The following PTPRN2 variants were observed in gnomAD, a reference collection of about 807,000 sequenced individuals.
PTPRN2 encodes receptor-type tyrosine-protein phosphatase N2.
In PTPRN2, 74 loss-of-function variants were observed where a neutral mutation model predicts 118.8. The ratio of observed to expected loss-of-function variants is 0.62; its 90% CI spans 0.52 to 0.76. The LOEUF (loss-of-function observed/expected upper bound fraction) is 0.76. PTPRN2 is among the 30% of genes least tolerant of loss of function. The probability of loss-of-function intolerance (pLI) is 0.00; values close to 1 mark genes in which losing one functional copy is unlikely to be tolerated. For synonymous variants in PTPRN2, 641 were observed against 608.0 expected (o/e 1.05, Z -0.80); for missense variants, 1,481 against 1,394.4 (o/e 1.06, Z -0.99).
intron 10 of PTPRN2, among the ~76,000 whole-genome samples, chr7:158,102,480 C>T (rs1484208295): frequency 4.6e-5 from 7 of 152,162 alleles, no homozygotes; most frequent in Non-Finnish European, 1.0e-4. Flanking sequence ...GCTTCTTTTC[C>T]ATGGCCCTCA....
intron 2 of PTPRN2, among the ~76,000 whole-genome samples, chr7:158,465,957 T>TG (rs1270515165): frequency 6.6e-6 from 1 of 152,212 alleles, no homozygotes; most frequent in African/African-American, 2.4e-5. Context: ...CCCAGATCCC[T>TG]GCCTCACGCC....
At position 157,845,849 on chromosome 7, in the gene PTPRN2, C is replaced by G. The variant is rs1027919517; in HGVS notation, c.1788+52824G>C. ...CGGAAGACAGAAGTGGATCCCGGCT[C>G]TCCACAAAACACAAAAATTAACCCC... On this transcript the variant is annotated intron_variant, in intron 12 of 22. Transcript: ENST00000389418. This position sits in a 1 kb window ranked among gnomAD's most constrained non-coding sequence, Gnocchi z 4.5. Among the ~76,000 whole-genome samples the G allele has an allele frequency of 2.6e-5, 4 of 152,106 alleles. No individual in the cohort carries two copies. The highest frequency in any genetic ancestry group is 5.9e-5 in the Non-Finnish European group (4 of 68,034).
rs961598110 is a variant in PTPRN2 at position 157,978,223 on chromosome 7, C to T, written c.1724-79486G>A. On this transcript the variant is annotated intron_variant, in intron 11 of 22. Transcript: ENST00000389418. Reference sequence around the variant, plus strand: ...GGCTGTGAAACTAGCTCTCAGACATCGGTGAAACTCTGCCTGATCTGCTTC... The same window carrying T: ...GGCTGTGAAACTAGCTCTCAGACATTGGTGAAACTCTGCCTGATCTGCTTC... Among the ~76,000 whole-genome samples the T allele has an allele frequency of 3.2e-4, 48 of 151,960 alleles. 1 individual carries two copies. The highest frequency in any genetic ancestry group is 2.4e-3 in the Admixed American group (36 of 15,272).
At chr7:157,715,351 G>T (rs982222390) in intron 12 of PTPRN2, among the ~76,000 whole-genome samples, 1 of 152,200 alleles carries the variant, frequency 6.6e-6, no homozygotes, top group African/African-American at 2.4e-5. Context: ...GGACACTGGG[G>T]TGCCAGTCCC....
chr7:158,046,873 T>C (rs1186504694), intron 11 of PTPRN2, among the ~76,000 whole-genome samples: 1 of 152,208 alleles, frequency 6.6e-6, no homozygotes, highest in African/African-American at 2.4e-5. Context: ...TGTGTACCGC[T>C]AGCTTTGCAC....
chr7:158,111,061 A>G (rs913667696), intron 9 of PTPRN2, 146 bp from the exon 10 acceptor site: 1 of 675,092 alleles, frequency 1.5e-6, no homozygotes, highest in Non-Finnish European at 2.5e-6. Context: ...CCTCAGGCAC[A>G]AGGAGTCACC....
chr7:158,120,929 G>A (rs2335842), intron 9 of PTPRN2, among the ~76,000 whole-genome samples: 144,925 of 152,300 alleles, frequency 0.95, 68,999 homozygotes, highest in Middle Eastern at 0.98. Context: ...GCTCCACCCC[G>A]GCTGAGACCA....
intron 5 of PTPRN2, among the ~76,000 whole-genome samples, chr7:158,178,368 A>G (rs1372774984): frequency 6.6e-6 from 1 of 151,978 alleles, no homozygotes; most frequent in African/African-American, 2.4e-5. Context: ...CCCGCTTCTG[A>G]GTCTCCAAAG....
At chr7:158,420,538 T>A (rs1013009221) in intron 2 of PTPRN2, among the ~76,000 whole-genome samples, 1 of 152,212 alleles carries the variant, frequency 6.6e-6, no homozygotes, top group Non-Finnish European at 1.5e-5. Flanking sequence ...ATGTTTTTAA[T>A]GAGAAGAGTT....
At chr7:157,721,682 G>A (rs6964623) in intron 12 of PTPRN2, among the ~76,000 whole-genome samples, 1 of 151,438 alleles carries the variant, frequency 6.6e-6, no homozygotes, top group African/African-American at 2.4e-5. Flanking sequence ...TGTGTGTCTC[G>A]ACACTGTGGC....
chr7:158,133,867 G>A lies in PTPRN2; in HGVS notation c.1366C>T (p.Leu456=), dbSNP rs1402668519. The A allele has an allele frequency of 6.2e-7, 1 of 1,613,924 alleles. No individual in the cohort carries two copies. Among genetic ancestry groups the A allele is most frequent in the African/African-American group, 1.3e-5 (1 of 75,062 alleles). The change falls in exon 9 of 23, where the codon CTG becomes TTG. Residue 456 remains leucine, a synonymous_variant. Coordinates refer to ENST00000389418, the MANE Select transcript of PTPRN2 (RefSeq NM_002847.5). ...TCCGAATGCGGCTGCTGCCCCAGCA[G>A]ATCTTTGGAATACGTCTGGCTCTTG... ...NVKSQTYSKD[L]LGQQPHSEPG...
At chr7:158,304,721 G>C (rs1801156058) in intron 3 of PTPRN2, among the ~76,000 whole-genome samples, 2 of 152,236 alleles carry the variant, frequency 1.3e-5, no homozygotes, top group Non-Finnish European at 2.9e-5. Context: ...TAGAAAGAGT[G>C]TCTGGGTTAA....
At chr7:157,680,324 TA>T (rs1187613939) in intron 13 of PTPRN2, among the ~76,000 whole-genome samples, 1 of 152,170 alleles carries the variant, frequency 6.6e-6, no homozygotes, top group East Asian at 1.9e-4. Context: ...ATAAATACAT[TA>T]ATGCGAGAAG....
chr7:158,262,005 C>G (rs1390254195), intron 3 of PTPRN2, among the ~76,000 whole-genome samples: 2 of 152,202 alleles, frequency 1.3e-5, no homozygotes, highest in Non-Finnish European at 2.9e-5. Context: ...CAGGAGGGGC[C>G]ACAGCCGCCC....
At chr7:158,490,361 G>A (rs1361985934) in intron 1 of PTPRN2, among the ~76,000 whole-genome samples, 5 of 152,212 alleles carry the variant, frequency 3.3e-5, no homozygotes, top group Non-Finnish European at 5.9e-5. Context: ...AAAGGCCAGC[G>A]CGGCTGGGCC....
chr7:158,148,466 C>A (rs1302864883), intron 6 of PTPRN2, among the ~76,000 whole-genome samples: 1 of 135,922 alleles, frequency 7.4e-6, no homozygotes, highest in Non-Finnish European at 1.6e-5. Context: ...ACACGTCTTT[C>A]CCCCTCAATG....
chr7:157,778,437 G>T lies in PTPRN2; in HGVS notation c.1789-95500C>A, dbSNP rs144139460. ...GTGAATACAGGCATCAAATGCCCAC[G>T]TAAACATGTACACAGGTGAATGAAT... On this transcript the variant is annotated intron_variant, in intron 12 of 22. Transcript: ENST00000389418. Among the ~76,000 whole-genome samples, 991 of 151,392 alleles carry T rather than the reference G, an allele frequency of 6.5e-3. 43 individuals are homozygous for T. Among genetic ancestry groups the T allele is most frequent in the Admixed American group, 0.06 (907 of 15,204 alleles).
chr7:158,049,876 C>A (rs1809194421), intron 11 of PTPRN2, among the ~76,000 whole-genome samples: 1 of 149,856 alleles, frequency 6.7e-6, no homozygotes, highest in Admixed American at 6.6e-5. Context: ...TTACTCCAAC[C>A]TGGGCAACAC....
At chr7:158,179,305 T>A (rs1824495048) in intron 5 of PTPRN2, among the ~76,000 whole-genome samples, 1 of 152,210 alleles carries the variant, frequency 6.6e-6, no homozygotes, top group South Asian at 2.1e-4. Flanking sequence ...GAATATCTTC[T>A]TTTAAGAAAT....
Sources: allele counts gnomAD v4.1 joint callset (sites outside exome capture counted in the v4.1 genomes callset), GRCh38; gene constraint gnomAD v4.1.1; non-coding constraint Gnocchi (gnomAD v3.1); transcripts MANE v1.5; gene names NCBI Gene and HGNC (gene_info 2026-07-23, HGNC 2026-07-21).